MED13: variants seen among roughly 807,000 people sequenced by gnomAD.
The protein encoded by MED13 is mediator complex subunit 13.
Under a neutral mutation model 225.2 loss-of-function variants are expected in MED13, and 23 were observed. That is an observed-to-expected ratio of 0.10 (90% CI 0.07 to 0.14). The LOEUF (loss-of-function observed/expected upper bound fraction) is 0.14, where lower values mean the gene tolerates loss of function less well. Among genes scored for constraint, MED13 ranks in the 10% least tolerant of loss-of-function variants. The pLI, the probability that MED13 is intolerant of heterozygous loss-of-function variation, is 1.00. For synonymous variants in MED13, 942 were observed against 889.2 expected (o/e 1.06, Z -1.06); for missense variants, 2,197 against 2,594.5 (o/e 0.85, Z 3.33).
chr17:61,974,958 C>T (rs1471242892), intron 16 of MED13, among the ~76,000 whole-genome samples: 1 of 151,882 alleles, frequency 6.6e-6, no homozygotes, highest in Admixed American at 6.6e-5. Flanking sequence ...TCAAAGAATA[C>T]CATCAAGAAA....
intron 11 of MED13, among the ~76,000 whole-genome samples, chr17:61,989,963 C>T (rs925190790): frequency 6.6e-6 from 1 of 152,160 alleles, no homozygotes; most frequent in African/African-American, 2.4e-5. Flanking sequence ...GGCAAAGAAT[C>T]CAAACTGTTG....
intron 6 of MED13, 87 bp from the exon 7 acceptor site, chr17:62,030,100 C>CCTACTTTTCCATTATAGTACTTTTGAGTG: frequency 8.6e-7 from 1 of 1,159,888 alleles, no homozygotes. Flanking sequence ...ATTTGTGATA[C>CCTACTTTTCCATTATAGTACTTTTGAGTG]AAGCTGCTCC....
In MED13 at chr17:62,063,038, A is replaced by T. The variant is rs369988838; in HGVS notation, c.301+29T>A. On this transcript the variant is annotated intron_variant, in intron 2 of 29. Transcript: ENST00000397786. ...GAGAAGTATACAATGTTGCTATATC[A>T]TTAGTTAGAAATGGAAAGTTTCTTT... 124 of 1,511,948 alleles carry T rather than the reference A, an allele frequency of 8.2e-5. No individual in the cohort carries two copies. The African/African-American group carries it at 1.5e-3, about 18-fold the overall frequency. The allele number at this position is 1,511,948 out of a possible 1,614,324, so 93.7% of individuals were successfully genotyped here. A position where few individuals can be genotyped will look rare whatever the true frequency, so the allele number is the denominator to read the frequency against.
At chr17:61,990,541 AAT>A (rs1286524106) in intron 11 of MED13, among the ~76,000 whole-genome samples, 8 of 150,066 alleles carry the variant, frequency 5.3e-5, no homozygotes, top group African/African-American at 1.5e-4. Flanking sequence ...AAAAAATGTA[AAT>A]ATATATATAT....
intron 8 of MED13, among the ~76,000 whole-genome samples, chr17:62,021,564 A>G (rs2080647712): frequency 6.6e-6 from 1 of 152,256 alleles, no homozygotes; most frequent in Non-Finnish European, 1.5e-5. Context: ...TCCTATGAAC[A>G]TTCCACCACA....
chr17:62,027,101 A>G (rs147072916), intron 8 of MED13, among the ~76,000 whole-genome samples: 1 of 152,218 alleles, frequency 6.6e-6, no homozygotes, highest in Non-Finnish European at 1.5e-5. Context: ...AATTTCTATG[A>G]AATTCAAAAA....
chr17:62,041,492 G>GT (rs1355714165), intron 3 of MED13, among the ~76,000 whole-genome samples: 1 of 152,184 alleles, frequency 6.6e-6, no homozygotes, highest in Non-Finnish European at 1.5e-5. Context: ...CAATGTGAAT[G>GT]TACTTAATGC....
chr17:62,039,196 T>C (rs1032717027), intron 3 of MED13, among the ~76,000 whole-genome samples: 1 of 152,218 alleles, frequency 6.6e-6, no homozygotes, highest in Non-Finnish European at 1.5e-5. Flanking sequence ...ACTGCTAGCA[T>C]GTAATCCCAA....
intron 1 of MED13, among the ~76,000 whole-genome samples, chr17:62,063,970 T>C (rs1190186531): frequency 6.6e-6 from 1 of 152,212 alleles, no homozygotes; most frequent in East Asian, 1.9e-4. Flanking sequence ...AAAAACATAC[T>C]GTAGACGAGG....
chr17:62,045,581 A>G (rs571952543), intron 3 of MED13, among the ~76,000 whole-genome samples: 1 of 152,278 alleles, frequency 6.6e-6, no homozygotes, highest in African/African-American at 2.4e-5. Context: ...ACTCTCAAAC[A>G]TGGCAAGTTC....
chr17:62,037,257 CAT>C (rs2080811727), intron 3 of MED13, among the ~76,000 whole-genome samples: 2 of 151,152 alleles, frequency 1.3e-5, no homozygotes, highest in Admixed American at 1.3e-4. Context: ...TCTCAAAAAA[CAT>C]ATAAGTAAAT....
intron 28 of MED13, among the ~76,000 whole-genome samples, chr17:61,949,684 CTTTT>C (rs540753006): frequency 3.3e-5 from 5 of 151,588 alleles, no homozygotes; most frequent in Admixed American, 2.6e-4. Flanking sequence ...GATTATAAAT[CTTTT>C]TTTTGTTTGT....
chr17:61,980,541 T>G (rs1307263270), intron 16 of MED13, among the ~76,000 whole-genome samples: 5 of 152,200 alleles, frequency 3.3e-5, no homozygotes, highest in Non-Finnish European at 1.5e-5. Context: ...AAGCTATTAT[T>G]GATGCCTCAT....
intron 3 of MED13, among the ~76,000 whole-genome samples, chr17:62,040,756 T>G (rs971093330): frequency 1.3e-4 from 19 of 151,986 alleles, no homozygotes; most frequent in Non-Finnish European, 2.1e-4. Context: ...AAAAATGATA[T>G]AAAAATGGCC....
intron 3 of MED13, among the ~76,000 whole-genome samples, chr17:62,042,055 C>G (rs1208528350): frequency 6.6e-6 from 1 of 152,176 alleles, no homozygotes; most frequent in East Asian, 1.9e-4. Context: ...CACATCCAGA[C>G]AAGTTTGGGA....
chr17:62,016,154 A>T (rs2080578119), intron 8 of MED13, among the ~76,000 whole-genome samples: 1 of 146,742 alleles, frequency 6.8e-6, no homozygotes, highest in Non-Finnish European at 1.5e-5. Context: ...TTTGTTCAAA[A>T]ACACAAAAAA....
In MED13 at chr17:61,945,269, A is replaced by G. The variant is rs1157312214; in HGVS notation, c.*1199T>C. 2 of 152,106 alleles carry G rather than the reference A, an allele frequency of 1.3e-5. No homozygotes were observed. The highest frequency in any genetic ancestry group is 4.8e-5 in the African/African-American group (2 of 41,416). The allele number at this position is 152,106 out of a possible 1,614,324, so 9.4% of individuals were successfully genotyped here. ...TATGCATACTCTCACATACATTCCC[A>G]ATCTTTAATTTAAAAAAAAAAGTCA... On this transcript the variant is annotated 3_prime_UTR_variant, in exon 30 of 30. Coordinates refer to ENST00000397786, the MANE Select transcript of MED13 (RefSeq NM_005121.3).
At chr17:62,035,255 G>A (rs568627745) in intron 4 of MED13, among the ~76,000 whole-genome samples, 59 of 151,656 alleles carry the variant, frequency 3.9e-4, no homozygotes, top group African/African-American at 1.3e-3. Context: ...CACCATTCAC[G>A]GTCAAGAATT....
chr17:62,020,710 T>C (rs1252308817), intron 8 of MED13, among the ~76,000 whole-genome samples: 11 of 149,096 alleles, frequency 7.4e-5, no homozygotes, highest in African/African-American at 2.5e-4. Flanking sequence ...TTTTTTTAAT[T>C]GATCATTCTT....
Sources: allele counts gnomAD v4.1 joint callset (sites outside exome capture counted in the v4.1 genomes callset), GRCh38; gene constraint gnomAD v4.1.1; transcripts MANE v1.5; gene names NCBI Gene and HGNC (gene_info 2026-07-23, HGNC 2026-07-21).